Variants in CEMIP observed in about 807,000 individuals in gnomAD.
CEMIP encodes cell migration inducing hyaluronidase 1.
Under a neutral mutation model 156.9 loss-of-function variants are expected in CEMIP, and 105 were observed. The ratio of observed to expected loss-of-function variants is 0.67; its 90% CI spans 0.57 to 0.79. CEMIP has a LOEUF of 0.79. Ranked by LOEUF, CEMIP falls within the 30% of genes least tolerant of loss-of-function variation. The pLI is 0.00. For synonymous variants in CEMIP, 676 were observed against 668.4 expected (o/e 1.01, Z -0.17); for missense variants, 1,457 against 1,769.4 (o/e 0.82, Z 3.17).
At chr15:80,938,948 GATCT>G (rs1901239871) in intron 25 of CEMIP, among the ~76,000 whole-genome samples, 1 of 152,128 alleles carries the variant, frequency 6.6e-6, no homozygotes, top group African/African-American at 2.4e-5. Flanking sequence ...GATAACAGAT[GATCT>G]ATCTTATTTA....
rs1416680106 is a variant in CEMIP at position 80,942,484 on chromosome 15, G to C, written c.3699+147G>C. On this transcript the variant is annotated intron_variant, in intron 27 of 29. Transcript: ENST00000394685. ...CCAGGGGGCTTGGGGCGGGGAACCT[G>C]TTCCATGCCTCTTCTCGCTCCTGGT... 8.3e-6 allele frequency: 6 copies of C among 724,832 alleles called. No homozygotes were observed. The East Asian group carries it at 1.6e-4, about 19-fold the overall frequency. 44.9% of individuals were successfully genotyped at this position (724,832 alleles called of 1,614,324 possible). A position where few individuals can be genotyped will look rare whatever the true frequency, so the allele number is the denominator to read the frequency against.
intron 1 of CEMIP, among the ~76,000 whole-genome samples, chr15:80,813,171 T>C (rs1745198403): frequency 6.6e-6 from 1 of 152,220 alleles, no homozygotes; most frequent in Non-Finnish European, 1.5e-5. Flanking sequence ...CAGAAGCTGG[T>C]CACTTCTGGG....
chr15:80,925,660 C>T lies in CEMIP; in HGVS notation c.2325C>T (p.Pro775=), dbSNP rs1202484365. Residue 775 remains proline (P), a synonymous_variant, in exon 19 of 30, where the codon CCC becomes CCT. Coordinates refer to ENST00000394685, the MANE Select transcript of CEMIP (RefSeq NM_001293298.2). The part of the protein sequence containing the change: ...SPHQDADPLK[P]REPAIIRHFI... ...ACCAGGACGCCGACCCGCTGAAGCCCCGGGAGCCGGCCATCATCAGACACT... is the reference window on the plus strand; with the variant it reads ...ACCAGGACGCCGACCCGCTGAAGCCTCGGGAGCCGGCCATCATCAGACACT... 1 of 1,613,566 alleles carries T rather than the reference C, an allele frequency of 6.2e-7. No homozygotes were observed. Among genetic ancestry groups the T allele is most frequent in the Non-Finnish European group, 8.5e-7 (1 of 1,180,004 alleles).
At chr15:80,804,972 A>G (rs1310121313) in intron 1 of CEMIP, among the ~76,000 whole-genome samples, 4 of 152,172 alleles carry the variant, frequency 2.6e-5, no homozygotes. Flanking sequence ...GCTGGGAGCA[A>G]GTCACATGGC....
chr15:80,909,370 T>G, intron 14 of CEMIP, 64 bp downstream of exon 14: 1 of 1,514,960 alleles, frequency 6.6e-7, no homozygotes, highest in South Asian at 1.1e-5. Flanking sequence ...ACTGGAGGGG[T>G]GTTTGGATGT....
At chr15:80,869,053 T>G (rs1898203856) in intron 1 of CEMIP, among the ~76,000 whole-genome samples, 1 of 152,138 alleles carries the variant, frequency 6.6e-6, no homozygotes, top group African/African-American at 2.4e-5. Context: ...GAGGGTTGGC[T>G]TCTTCTGAAG....
At chr15:80,923,294 C>T (rs1596194236) in intron 17 of CEMIP, among the ~76,000 whole-genome samples, 1 of 152,152 alleles carries the variant, frequency 6.6e-6, no homozygotes, top group African/African-American at 2.4e-5. Flanking sequence ...ACAGAGAGGG[C>T]ATTTCTGAAG....
At chr15:80,847,455 T>C (rs897671739) in intron 1 of CEMIP, among the ~76,000 whole-genome samples, 1 of 152,086 alleles carries the variant, frequency 6.6e-6, no homozygotes, top group Non-Finnish European at 1.5e-5. Flanking sequence ...AGCTTCCGGG[T>C]TGGGGTGCAG....
rs1900492732 is a variant in CEMIP at position 80,922,045 on chromosome 15, A to T, written c.2110A>T (p.Thr704Ser). Residue 704 changes from threonine to serine, a missense_variant, in exon 17 of 30, where the codon ACG becomes TCG. Around this residue, in one of 5 missense-constraint regions of CEMIP, gnomAD observed 798 missense variants for 980.1 expected, o/e 0.81. Coordinates refer to ENST00000394685, the MANE Select transcript of CEMIP (RefSeq NM_001293298.2). ...TTGGTTTATTTTTCACCACGTACCA[A>T]CGGGCCCCTCCGTGGGAATGTACTC... ...GFWFIFHHVPTGPSVGMYSPG... is the reference protein window; with the variant it reads ...GFWFIFHHVPSGPSVGMYSPG... The T allele has an allele frequency of 6.2e-7, 1 of 1,614,090 alleles. No homozygotes were observed. Among genetic ancestry groups the T allele is most frequent in the African/African-American group, 1.3e-5 (1 of 74,926 alleles).
At chr15:80,803,071 T>A (rs1896418915) in intron 1 of CEMIP, among the ~76,000 whole-genome samples, 2 of 152,226 alleles carry the variant, frequency 1.3e-5, no homozygotes, top group South Asian at 4.1e-4. Flanking sequence ...AACACCATTA[T>A]TCTTCATTCA....
At chr15:80,942,150 A>G in intron 26 of CEMIP, 97 bp downstream of exon 26, 1 of 1,483,942 alleles carries the variant, frequency 6.7e-7, no homozygotes, top group African/African-American at 1.4e-5. Flanking sequence ...TAGGTCCCTC[A>G]CTCAGCTCCA....
intron 1 of CEMIP, among the ~76,000 whole-genome samples, chr15:80,812,189 T>G (rs1056423135): frequency 4.6e-5 from 7 of 152,200 alleles, no homozygotes; most frequent in African/African-American, 1.7e-4. Context: ...GATGTCCTGT[T>G]TTAACCCGAG....
chr15:80,903,973 G>A (rs1899681391), intron 12 of CEMIP, among the ~76,000 whole-genome samples: 1 of 152,190 alleles, frequency 6.6e-6, no homozygotes, highest in Non-Finnish European at 1.5e-5. Flanking sequence ...CAAATGAGAA[G>A]CCATGTTCAG....
chr15:80,900,642 G>C (rs867465690), intron 12 of CEMIP, among the ~76,000 whole-genome samples: 28 of 127,212 alleles, frequency 2.2e-4, no homozygotes, highest in East Asian at 1.0e-3. Context: ...GTGTGTGTGT[G>C]TGTGTGTCTG....
intron 6 of CEMIP, among the ~76,000 whole-genome samples, chr15:80,882,764 A>G (rs1047273972): frequency 1.6e-4 from 24 of 150,618 alleles, no homozygotes; most frequent in African/African-American, 5.6e-4. Flanking sequence ...ACATACACAC[A>G]CACACACACA....
At chr15:80,888,077 A>T (rs1044627213) in intron 8 of CEMIP, among the ~76,000 whole-genome samples, 1 of 152,152 alleles carries the variant, frequency 6.6e-6, no homozygotes, top group African/African-American at 2.4e-5. Flanking sequence ...AAGAGCTAAA[A>T]CGAGGCTGGG....
At chr15:80,916,990 C>T (rs1177098706) in intron 14 of CEMIP, among the ~76,000 whole-genome samples, 5 of 152,168 alleles carry the variant, frequency 3.3e-5, no homozygotes, top group East Asian at 1.9e-4. Context: ...AGTCCCAATT[C>T]GGTCCATGCA....
At chr15:80,792,486 C>T (rs1433423108) in intron 1 of CEMIP, among the ~76,000 whole-genome samples, 3 of 152,150 alleles carry the variant, frequency 2.0e-5, no homozygotes, top group Non-Finnish European at 2.9e-5. Context: ...CCTTTCTGTG[C>T]CTCAGTTGCT....
In CEMIP at chr15:80,942,798, C is replaced by T. The variant is rs907966438; in HGVS notation, c.3700-147C>T. 1.1e-5 allele frequency: 10 copies of T among 929,990 alleles called. No homozygotes were observed. The African/African-American group carries it at 1.1e-4, about 11-fold the overall frequency. 57.6% of individuals were successfully genotyped at this position (929,990 alleles called of 1,614,324 possible). A position where few individuals can be genotyped will look rare whatever the true frequency, so the allele number is the denominator to read the frequency against. On this transcript the variant is annotated intron_variant, in intron 27 of 29. Coordinates refer to ENST00000394685, the MANE Select transcript of CEMIP (RefSeq NM_001293298.2). ...CTATTTGACCCACTACTGAGGGCTA[C>T]GAGGAGTTAAGTGGATAATGGAGTT...
Sources: allele counts gnomAD v4.1 joint callset (sites outside exome capture counted in the v4.1 genomes callset), GRCh38; gene constraint gnomAD v4.1.1; regional missense constraint gnomAD v4.1.1; transcripts MANE v1.5; gene names NCBI Gene and HGNC (gene_info 2026-07-23, HGNC 2026-07-21).